Variants in LRP1B observed in about 807,000 individuals in gnomAD.
LRP1B encodes low-density lipoprotein receptor-related protein 1B.
LRP1B carries 217 observed loss-of-function variants against 556.6 expected under a neutral mutation model. That is an observed-to-expected ratio of 0.39 (90% confidence interval 0.35 to 0.44). The LOEUF (loss-of-function observed/expected upper bound fraction) is 0.44. Among genes scored for constraint, LRP1B ranks in the 20% least tolerant of loss-of-function variants. LRP1B has a pLI of 1.00. For missense variants in LRP1B, 5,053 were observed against 5,620.8 expected (o/e 0.90, Z 3.23); for synonymous variants, 2,047 against 1,865.8 (o/e 1.10, Z -2.50).
chr2:140,693,187 A>C (rs1046475867), intron 41 of LRP1B, among the ~76,000 whole-genome samples: 19 of 152,186 alleles, frequency 1.2e-4, no homozygotes, highest in Admixed American at 4.6e-4. Context: ...TTAATAATAA[A>C]GACAATTGTG....
chr2:140,401,538 T>C (rs1684501835), intron 66 of LRP1B, among the ~76,000 whole-genome samples: 1 of 152,196 alleles, frequency 6.6e-6, no homozygotes, highest in Non-Finnish European at 1.5e-5. Flanking sequence ...GTCAGAGTGC[T>C]GATCCACCTG....
At chr2:140,576,231 T>C (rs944491181) in intron 43 of LRP1B, among the ~76,000 whole-genome samples, 8 of 152,312 alleles carry the variant, frequency 5.3e-5, no homozygotes, top group Admixed American at 2.6e-4. Flanking sequence ...TGGGGCACAA[T>C]TTCTAACTCT....
intron 2 of LRP1B, among the ~76,000 whole-genome samples, chr2:141,535,198 C>A (rs1685032090): frequency 6.6e-6 from 1 of 152,108 alleles, no homozygotes; most frequent in South Asian, 2.1e-4. Context: ...ACTGAGCAGA[C>A]CTCTCTGTGA....
intron 1 of LRP1B, among the ~76,000 whole-genome samples, chr2:142,084,884 C>G (rs1350985514): frequency 6.6e-6 from 1 of 152,084 alleles, no homozygotes; most frequent in African/African-American, 2.4e-5. Context: ...TATTTTTTAT[C>G]CTATCTAAAG....
In LRP1B at chr2:140,769,249, C is replaced by T. The variant is rs748872373; in HGVS notation, c.5722G>A (p.Gly1908Arg). 1 of 1,612,190 alleles carries T rather than the reference C, an allele frequency of 6.2e-7. No homozygotes were observed. Among genetic ancestry groups the T allele is most frequent in the Admixed American group, 1.7e-5 (1 of 59,850 alleles). Residue 1908 changes from glycine to arginine, a missense_variant, in exon 35 of 91, where the codon GGA (glycine) becomes AGA (arginine). By Grantham distance (125) the Gly-to-Arg change is moderately radical (BLOSUM62 -2). This residue lies in a region of LRP1B where 3,619 missense variants were observed against 3,931.9 expected (regional missense o/e 0.92). Transcript: ENST00000389484. ...TCTATTCCCACGGCAAATGAAGTTC[C>T]TGATATAGGCATCAAAGCATCCATT... ...DKMDALMPIS[G>R]TSFAVGIDFH...
intron 1 of LRP1B, among the ~76,000 whole-genome samples, chr2:142,048,373 C>A (rs897089868): frequency 4.6e-5 from 7 of 152,056 alleles, no homozygotes; most frequent in Non-Finnish European, 1.5e-5. Flanking sequence ...GGATTCCCCT[C>A]ATAAGTTTTG....
At chr2:140,778,489 G>A (rs1010012607) in intron 32 of LRP1B, among the ~76,000 whole-genome samples, 3 of 151,932 alleles carry the variant, frequency 2.0e-5, no homozygotes, top group Admixed American at 1.3e-4. Flanking sequence ...ATTCATGAAT[G>A]CATTTTTTTT....
chr2:142,118,421 A>G (rs150151210), intron 1 of LRP1B, among the ~76,000 whole-genome samples: 1 of 152,246 alleles, frequency 6.6e-6, no homozygotes, highest in African/African-American at 2.4e-5. Context: ...AGCTATCTGA[A>G]TACGCTTTGG....
At chr2:141,360,688 G>T (rs991639967) in intron 3 of LRP1B, among the ~76,000 whole-genome samples, 37 of 152,188 alleles carry the variant, frequency 2.4e-4, no homozygotes, top group Non-Finnish European at 3.7e-4. Flanking sequence ...TCAGAATGGT[G>T]CTTAAACAAG....
chr2:141,740,622 A>G (rs1415209612), intron 2 of LRP1B, among the ~76,000 whole-genome samples: 1 of 152,178 alleles, frequency 6.6e-6, no homozygotes, highest in Admixed American at 6.6e-5. Context: ...ATTTAAAAAT[A>G]TACACATAAA....
intron 2 of LRP1B, among the ~76,000 whole-genome samples, chr2:141,668,961 C>T (rs1457813087): frequency 2.0e-5 from 3 of 152,072 alleles, no homozygotes; most frequent in African/African-American, 4.8e-5. Context: ...TGAGCAATAC[C>T]CCTGTGGCAC....
At chr2:141,214,211 G>A (rs981245374) in intron 6 of LRP1B, among the ~76,000 whole-genome samples, 8 of 152,132 alleles carry the variant, frequency 5.3e-5, no homozygotes, top group African/African-American at 1.9e-4. Context: ...CAAGCTAGGA[G>A]GTGGTCAATT....
In LRP1B at chr2:140,356,436, A is replaced by G; in HGVS notation, c.11436T>C (p.Cys3812=). 1.2e-6 allele frequency: 2 copies of G among 1,606,440 alleles called. No homozygotes were observed. Among genetic ancestry groups the G allele is most frequent in the Non-Finnish European group, 1.7e-6 (2 of 1,173,818 alleles). The change falls in exon 75 of 91, where the codon TGT becomes TGC. Residue 3812 remains cysteine (C), a synonymous_variant. Coordinates refer to ENST00000389484, the MANE Select transcript of LRP1B (RefSeq NM_018557.3). ...EYTCEDNVNP[C]GDDAYCNQIK... is the part of the protein sequence containing the mutation. ...TTTGATTACAATATGCATCATCTCCACATGGATTCACATTATCTTCACAGG... is the reference window on the plus strand; with the variant it reads ...TTTGATTACAATATGCATCATCTCCGCATGGATTCACATTATCTTCACAGG...
chr2:140,313,218 A>T (rs192801394), intron 83 of LRP1B, among the ~76,000 whole-genome samples: 39 of 152,068 alleles, frequency 2.6e-4, no homozygotes, highest in Admixed American at 7.9e-4. Context: ...TGTATCTCAT[A>T]TTGAATCCAT....
At chr2:140,312,664 G>A (rs1412090405) in intron 83 of LRP1B, among the ~76,000 whole-genome samples, 3 of 151,580 alleles carry the variant, frequency 2.0e-5, no homozygotes, top group South Asian at 2.1e-4. Flanking sequence ...ATCCTCCTAT[G>A]AGCAGGTCAT....
chr2:142,016,514 T>C (rs1171522742), intron 1 of LRP1B, among the ~76,000 whole-genome samples: 1 of 152,178 alleles, frequency 6.6e-6, no homozygotes, highest in Non-Finnish European at 1.5e-5. Context: ...AAGGATGAGT[T>C]CATGACCTTT....
intron 6 of LRP1B, among the ~76,000 whole-genome samples, chr2:141,228,412 AGT>A (rs936465798): frequency 4.6e-5 from 7 of 150,738 alleles, no homozygotes; most frequent in Non-Finnish European, 5.9e-5. Flanking sequence ...TGTGTGTATG[AGT>A]GTGTGTGTGT....
intron 6 of LRP1B, among the ~76,000 whole-genome samples, chr2:141,222,818 G>A (rs1029900004): frequency 1.3e-5 from 2 of 152,088 alleles, no homozygotes; most frequent in South Asian, 4.1e-4. Flanking sequence ...TGCAGAAAAG[G>A]CCTTTGACAA....
chr2:140,897,275 C>T (rs1693981094), intron 23 of LRP1B, among the ~76,000 whole-genome samples: 1 of 152,086 alleles, frequency 6.6e-6, no homozygotes, highest in South Asian at 2.1e-4. Flanking sequence ...TAAGAAGCTA[C>T]CTCAGAAGCA....
Sources: gnomAD v4.1 joint callset for allele counts (sites outside exome capture counted in the v4.1 genomes callset) on GRCh38, gnomAD v4.1.1 for gene constraint, gnomAD v4.1.1 regional missense constraint, MANE v1.5 for transcripts, NCBI Gene and HGNC (gene_info 2026-07-23, HGNC 2026-07-21) for gene names.